The following CSMD1 variants were observed in gnomAD, a reference collection of about 807,000 sequenced individuals.
CSMD1 encodes CUB and Sushi multiple domains 1.
A neutral mutation model predicts 417.5 loss-of-function variants in CSMD1; 213 were observed. The observed-to-expected ratio is 0.51, with a 90% CI of 0.46 to 0.57. The LOEUF is 0.57. Among genes scored for constraint, CSMD1 ranks in the 20% least tolerant of loss-of-function variants. The pLI is 0.00. For synonymous variants in CSMD1, 2,862 were observed against 1,736.8 expected (o/e 1.65, Z -16.11); for missense variants, 6,923 against 4,529.7 (o/e 1.53, Z -15.17).
At chr8:4,113,250 G>C (rs1468523597) in intron 3 of CSMD1, among the ~76,000 whole-genome samples, 3 of 152,010 alleles carry the variant, frequency 2.0e-5, no homozygotes, top group African/African-American at 7.3e-5. Context: ...TGAAAGAAAG[G>C]ACTGCACATC....
At chr8:2,975,685 T>A (rs1010366609) in intron 55 of CSMD1, among the ~76,000 whole-genome samples, 1 of 152,218 alleles carries the variant, frequency 6.6e-6, no homozygotes, top group Non-Finnish European at 1.5e-5. Flanking sequence ...AAATAAAATT[T>A]ATATCTTATT....
rs116327498 is a variant in CSMD1 at position 4,187,364 on chromosome 8, G to C, written c.416-155265C>G. On this transcript the variant is annotated intron_variant, in intron 3 of 69. Coordinates refer to ENST00000635120, the MANE Select transcript of CSMD1 (RefSeq NM_033225.6). ...CACAGGTAAGCATTAAGTAGCATTT[G>C]GGCCAGGCACGGTGGCTGATGCCTA... Among the ~76,000 whole-genome samples, 1,245 of 152,190 alleles carry C rather than the reference G, an allele frequency of 8.2e-3. 15 individuals are homozygous for C. Among genetic ancestry groups the C allele is most frequent in the African/African-American group, 0.029 (1,186 of 41,542 alleles).
intron 10 of CSMD1, among the ~76,000 whole-genome samples, chr8:3,503,787 G>C (rs968066686): frequency 7.2e-5 from 11 of 152,004 alleles, no homozygotes; most frequent in African/African-American, 2.7e-4. Context: ...GGCCTAAAAA[G>C]CAGCCCCCCT....
chr8:4,448,374 A>T (rs1487307491), intron 2 of CSMD1, among the ~76,000 whole-genome samples: 1 of 152,190 alleles, frequency 6.6e-6, no homozygotes, highest in Non-Finnish European at 1.5e-5. Flanking sequence ...GGAATAAAAC[A>T]CGCCAGTTGT....
chr8:3,131,161 C>A (rs995387416), intron 41 of CSMD1, among the ~76,000 whole-genome samples: 2 of 152,096 alleles, frequency 1.3e-5, no homozygotes, highest in Admixed American at 6.5e-5. Context: ...TACAAAAGTG[C>A]GATAAAGCAA....
At chr8:4,739,932 AG>A in intron 1 of CSMD1, among the ~76,000 whole-genome samples, 1 of 152,212 alleles carries the variant, frequency 6.6e-6, no homozygotes, top group Non-Finnish European at 1.5e-5. Flanking sequence ...TGCTCTCTGC[AG>A]CAACTTAAGC....
At chr8:3,728,121 T>G (rs1173611010) in intron 6 of CSMD1, among the ~76,000 whole-genome samples, 1 of 152,156 alleles carries the variant, frequency 6.6e-6, no homozygotes, top group Non-Finnish European at 1.5e-5. Flanking sequence ...AATTCCCACG[T>G]GCGATGGGAG....
chr8:3,630,124 T>C (rs2406986), intron 7 of CSMD1, among the ~76,000 whole-genome samples: 100,383 of 152,186 alleles, frequency 0.66, 33,362 homozygotes, highest in Middle Eastern at 0.81. Flanking sequence ...TAGCCAGTTT[T>C]ATTTAGTTAT....
intron 1 of CSMD1, among the ~76,000 whole-genome samples, chr8:4,782,201 G>T (rs188372567): frequency 6.6e-6 from 1 of 152,140 alleles, no homozygotes; most frequent in African/African-American, 2.4e-5. Flanking sequence ...TTGCACAGTA[G>T]AGTGACTCTG....
chr8:4,447,233 T>A (rs746668253), intron 2 of CSMD1, among the ~76,000 whole-genome samples: 1 of 152,228 alleles, frequency 6.6e-6, no homozygotes, highest in Non-Finnish European at 1.5e-5. Context: ...AGTTCTTGCC[T>A]GATGGATGCT....
chr8:4,749,387 T>A (rs1212426775), intron 1 of CSMD1, among the ~76,000 whole-genome samples: 1 of 152,238 alleles, frequency 6.6e-6, no homozygotes, highest in African/African-American at 2.4e-5. Context: ...CGGTCCTTGA[T>A]AGTGTAAACA....
chr8:3,412,779 T>C (rs756910905), intron 12 of CSMD1, among the ~76,000 whole-genome samples: 3 of 152,218 alleles, frequency 2.0e-5, no homozygotes, highest in Non-Finnish European at 4.4e-5. Context: ...GTTTAGGTTG[T>C]TGAACAGAGA....
intron 7 of CSMD1, among the ~76,000 whole-genome samples, chr8:3,635,199 G>A (rs1010387539): frequency 6.6e-6 from 1 of 152,118 alleles, no homozygotes; most frequent in Non-Finnish European, 1.5e-5. Flanking sequence ...ACTGTAGCCA[G>A]GTGCAGTGGC....
At chr8:4,822,283 T>G (rs757153265) in intron 1 of CSMD1, among the ~76,000 whole-genome samples, 5 of 152,156 alleles carry the variant, frequency 3.3e-5, no homozygotes, top group Admixed American at 6.6e-5. Flanking sequence ...CTTGCTGTCT[T>G]AGGACACCAG....
At chr8:3,077,830 G>A (rs11986048) in intron 49 of CSMD1, among the ~76,000 whole-genome samples, 42,402 of 152,162 alleles carry the variant, frequency 0.28, 6,423 homozygotes, top group African/African-American at 0.4. Context: ...CTATCCTTCA[G>A]TGTCAGCTGG....
At chr8:4,551,749 A>G (rs1191883673) in intron 2 of CSMD1, among the ~76,000 whole-genome samples, 1 of 152,044 alleles carries the variant, frequency 6.6e-6, no homozygotes, top group Non-Finnish European at 1.5e-5. Context: ...CAGTGGTACA[A>G]TCATAGCTCA....
At position 4,299,136 on chromosome 8, in the gene CSMD1, C is replaced by T. The variant is rs557114168; in HGVS notation, c.415+120817G>A. Reference sequence around the variant, plus strand: ...ATACAGAAAACATTAAAAGATCTTGCCAAAACAGATCGTGCTTTTCTTCAA... The same window carrying T: ...ATACAGAAAACATTAAAAGATCTTGTCAAAACAGATCGTGCTTTTCTTCAA... On this transcript the variant is annotated intron_variant, in intron 3 of 69. Coordinates refer to ENST00000635120, the MANE Select transcript of CSMD1 (RefSeq NM_033225.6). Among the ~76,000 whole-genome samples, 3 of 152,088 alleles carry T rather than the reference C, an allele frequency of 2.0e-5. No individual in the cohort carries two copies. In the South Asian group the frequency reaches 6.2e-4, roughly 32 times the overall value.
intron 26 of CSMD1, among the ~76,000 whole-genome samples, chr8:3,240,027 G>A (rs1173878902): frequency 6.6e-6 from 1 of 152,144 alleles, no homozygotes; most frequent in African/African-American, 2.4e-5. Context: ...GAGAACTGTA[G>A]AGAGTGAGTT....
At chr8:4,934,603 A>G (rs1436246918) in intron 1 of CSMD1, among the ~76,000 whole-genome samples, 1 of 151,950 alleles carries the variant, frequency 6.6e-6, no homozygotes, top group Non-Finnish European at 1.5e-5. Context: ...TATAATGTCT[A>G]CCTTTTTATT....
Sources: allele counts gnomAD v4.1 joint callset (sites outside exome capture counted in the v4.1 genomes callset), GRCh38; gene constraint gnomAD v4.1.1; transcripts MANE v1.5; gene names NCBI Gene and HGNC (gene_info 2026-07-23, HGNC 2026-07-21).